Variants in ADCYAP1R1 observed in about 807,000 individuals in gnomAD.
ADCYAP1R1 encodes the protein pituitary adenylate cyclase-activating polypeptide type I receptor.
A neutral mutation model predicts 67.6 loss-of-function variants in ADCYAP1R1; 44 were observed. The observed-to-expected ratio is 0.65, with a 90% CI of 0.51 to 0.84. The LOEUF (loss-of-function observed/expected upper bound fraction) is 0.84. Ranked by LOEUF, ADCYAP1R1 falls within the 40% of genes least tolerant of loss-of-function variation. The pLI, the probability that ADCYAP1R1 is intolerant of heterozygous loss-of-function variation, is 0.00. For missense variants in ADCYAP1R1, 477 were observed against 587.9 expected, an observed-to-expected ratio of 0.81 and a Z score of 1.95; for synonymous variants, 222 against 219.6, an observed-to-expected ratio of 1.01 and a Z score of -0.10.
chr7:31,088,295 A>G (rs1033933829), intron 12 of ADCYAP1R1, among the ~76,000 whole-genome samples: 8 of 152,244 alleles, frequency 5.3e-5, no homozygotes, highest in African/African-American at 1.9e-4. Flanking sequence ...TACAGTTTAA[A>G]GGATAGTTAA....
intron 3 of ADCYAP1R1, among the ~76,000 whole-genome samples, chr7:31,068,264 C>T (rs1454146553): frequency 3.9e-5 from 6 of 152,120 alleles, no homozygotes; most frequent in Non-Finnish European, 8.8e-5. Context: ...TAACCCTCAC[C>T]AGCCTATGGG....
In ADCYAP1R1 at chr7:31,106,853, C is replaced by G; in HGVS notation, c.*169C>G. 1.2e-6 allele frequency: 1 copy of G among 812,294 alleles called. No homozygotes were observed. Among genetic ancestry groups the G allele is most frequent in the South Asian group, 1.9e-5 (1 of 52,194 alleles). The allele number at this position is 812,294 out of a possible 1,614,324, so 50.3% of individuals were successfully genotyped here. On this transcript the variant is annotated 3_prime_UTR_variant, in exon 16 of 16. Coordinates refer to ENST00000304166, the MANE Select transcript of ADCYAP1R1 (RefSeq NM_001118.5). ...GGGCACAGACTGGAATTGTCCCCTC[C>G]TTGTTTTGGTACTGGTCCCACCCAC...
chr7:31,056,587 T>C (rs959305364), intron 1 of ADCYAP1R1, among the ~76,000 whole-genome samples: 7 of 152,160 alleles, frequency 4.6e-5, no homozygotes, highest in African/African-American at 1.4e-4. Flanking sequence ...CTCTGGATTC[T>C]GTCCCCCACT....
rs1265193123 is a variant in ADCYAP1R1, at chr7:31,081,608, A to G, written c.287-105A>G. 9 of 858,868 alleles carry G rather than the reference A, an allele frequency of 1.0e-5. No individual in the cohort carries two copies. The East Asian group carries it at 2.4e-4, about 22-fold the overall frequency. 53.2% of individuals were successfully genotyped at this position (858,868 alleles called of 1,614,324 possible). ...CCTCTTGGCCAGGACTCCATCCCCT[A>G]CTTCCTGTAGACCAGGGGTAGCCTG... On this transcript the variant is annotated intron_variant, in intron 5 of 15. Transcript: ENST00000304166.
At chr7:31,069,363 G>A (rs78982020) in intron 3 of ADCYAP1R1, among the ~76,000 whole-genome samples, 3,258 of 152,222 alleles carry the variant, frequency 0.021, 80 homozygotes, top group South Asian at 0.06. Context: ...AAGCACACAC[G>A]CCATGCACAG....
intron 4 of ADCYAP1R1, among the ~76,000 whole-genome samples, chr7:31,078,788 G>C (rs1269054723): frequency 6.6e-6 from 1 of 152,162 alleles, no homozygotes; most frequent in African/African-American, 2.4e-5. Flanking sequence ...TGGGCTACCT[G>C]GGGAGAGGGT....
At chr7:31,106,354 G>C in intron 15 of ADCYAP1R1, 142 bp from the exon 16 acceptor site, 1 of 1,030,714 alleles carries the variant, frequency 9.7e-7, no homozygotes, top group South Asian at 1.8e-5. Context: ...TGGAGACCTT[G>C]AGGGCCGCAG....
At chr7:31,074,153 C>T (rs1385252457) in intron 3 of ADCYAP1R1, among the ~76,000 whole-genome samples, 1 of 152,090 alleles carries the variant, frequency 6.6e-6, no homozygotes, top group Non-Finnish European at 1.5e-5. Context: ...CTCAGTTGTC[C>T]CTGTGCACAT....
At chr7:31,083,954 G>A (rs1562643960) in intron 6 of ADCYAP1R1, among the ~76,000 whole-genome samples, 187 bp from the exon 7 acceptor site, 1 of 152,214 alleles carries the variant, frequency 6.6e-6, no homozygotes, top group Non-Finnish European at 1.5e-5. Context: ...CTTTGGTTGA[G>A]ATGAGCTTGC....
chr7:31,058,570 C>G (rs1180470494), intron 1 of ADCYAP1R1, among the ~76,000 whole-genome samples: 1 of 152,206 alleles, frequency 6.6e-6, no homozygotes, highest in Non-Finnish European at 1.5e-5. Context: ...AGTGTGTCGC[C>G]TTCTCTGGCC....
chr7:31,074,305 C>G (rs1217984261), intron 3 of ADCYAP1R1, among the ~76,000 whole-genome samples: 1 of 152,164 alleles, frequency 6.6e-6, no homozygotes, highest in African/African-American at 2.4e-5. Flanking sequence ...TCACTCTATC[C>G]TCAAACATCA....
At chr7:31,061,460 A>C (rs1405038644) in intron 1 of ADCYAP1R1, among the ~76,000 whole-genome samples, 1 of 152,164 alleles carries the variant, frequency 6.6e-6, no homozygotes, top group Non-Finnish European at 1.5e-5. Flanking sequence ...ACAGAGACGG[A>C]AGCCTGAGTG....
intron 3 of ADCYAP1R1, 40 bp from the exon 4 acceptor site, chr7:31,077,951 G>T: frequency 6.9e-7 from 1 of 1,439,984 alleles, no homozygotes. Context: ...GTATGGGTGT[G>T]TGTGGCTGGC....
intron 15 of ADCYAP1R1, among the ~76,000 whole-genome samples, chr7:31,105,831 G>T (rs533706525): frequency 6.6e-6 from 1 of 152,362 alleles, no homozygotes; most frequent in African/African-American, 2.4e-5. Flanking sequence ...TGGAGAGGGT[G>T]GGTGTAGGCG....
chr7:31,057,518 G>A (rs762570689), intron 1 of ADCYAP1R1, among the ~76,000 whole-genome samples: 31 of 152,200 alleles, frequency 2.0e-4, no homozygotes, highest in Non-Finnish European at 2.4e-4. Context: ...CGAAATGCAG[G>A]GCATGAGTGG....
Position 31,080,637 on chromosome 7 carries a change from A to T in ADCYAP1R1, c.286+4A>T. 1 of 1,613,810 alleles carries T rather than the reference A, an allele frequency of 6.2e-7. No homozygotes were observed. ...GTCTGGGAGACCGAAACCATTGGTA[A>T]GAGGAACCTTGGTGAGGATAGACCG... On this transcript the variant is annotated splice_donor_region_variant and intron_variant, in intron 5 of 15. Coordinates refer to ENST00000304166, the MANE Select transcript of ADCYAP1R1 (RefSeq NM_001118.5).
intron 12 of ADCYAP1R1, among the ~76,000 whole-genome samples, chr7:31,091,985 T>A (rs990183292): frequency 1.3e-5 from 2 of 151,686 alleles, no homozygotes; most frequent in Non-Finnish European, 2.9e-5. Context: ...ATTGTTTTTT[T>A]AATCAGTTAG....
At chr7:31,068,331 A>C (rs190496771) in intron 3 of ADCYAP1R1, among the ~76,000 whole-genome samples, 1 of 152,268 alleles carries the variant, frequency 6.6e-6, no homozygotes, top group Admixed American at 6.5e-5. Flanking sequence ...CAGAGACGTT[A>C]GGTTGCTTGT....
In ADCYAP1R1 at chr7:31,086,920, A is replaced by G. The variant is rs1795768513; in HGVS notation, c.824-23A>G. 2.5e-6 allele frequency: 4 copies of G among 1,613,352 alleles called. No individual in the cohort carries two copies. The Admixed American group carries it at 6.7e-5, about 27-fold the overall frequency. On this transcript the variant is annotated intron_variant, in intron 10 of 15. Transcript: ENST00000304166. The surrounding 1 kb of genome is among the most constrained non-coding windows in gnomAD (Gnocchi z 5.0). ...CATGTTGGTTTTCCTGTTCTCACGG[A>G]CCTCTTTTTCTTGTTCTCCCAGGGA...
Sources: gnomAD v4.1 joint callset for allele counts (sites outside exome capture counted in the v4.1 genomes callset) on GRCh38, gnomAD v4.1.1 for gene constraint, Gnocchi (gnomAD v3.1) non-coding constraint, MANE v1.5 for transcripts, NCBI Gene and HGNC (gene_info 2026-07-23, HGNC 2026-07-21) for gene names.